The following ADGRE2 variants were observed in gnomAD, a reference collection of about 807,000 sequenced individuals.
The protein encoded by ADGRE2 is adhesion G protein-coupled receptor E2, also known as CD97 antigen.
A neutral mutation model predicts 100.8 loss-of-function variants in ADGRE2; 83 were observed. The observed-to-expected ratio is 0.82, with a 90% CI of 0.69 to 0.99. The LOEUF is 0.99. ADGRE2 is among the 50% of genes least tolerant of loss of function. The probability of loss-of-function intolerance (pLI) is 0.00; values close to 1 mark genes in which losing one functional copy is unlikely to be tolerated. For synonymous variants in ADGRE2, 355 were observed against 413.0 expected (o/e 0.86, Z 1.70); for missense variants, 814 against 1,035.7 (o/e 0.79, Z 2.94).
At chr19:14,767,242 C>A in intron 5 of ADGRE2, 133 bp from the exon 6 acceptor site, 8 of 1,182,698 alleles carry the variant, frequency 6.8e-6, no homozygotes, top group Non-Finnish European at 7.9e-6. Context: ...TTCTTTCTTT[C>A]TTTTTTTTTT....
At chr19:14,767,145 G>T in intron 5 of ADGRE2, 36 bp from the exon 6 acceptor site, 1 of 1,600,942 alleles carries the variant, frequency 6.2e-7, no homozygotes. Flanking sequence ...AATGCCCGTA[G>T]CTGTGAGCAG....
At position 14,733,372 on chromosome 19, in the gene ADGRE2, G is replaced by T. The variant is rs367641418; in HGVS notation, c.*2864C>A. 6.6e-6 allele frequency: 1 copy of T among 152,110 alleles called. No individual in the cohort carries two copies. Among genetic ancestry groups the T allele is most frequent in the African/African-American group, 2.4e-5 (1 of 41,422 alleles). 9.4% of individuals were successfully genotyped at this position (152,110 alleles called of 1,614,324 possible). On this transcript the variant is annotated 3_prime_UTR_variant, in exon 21 of 21. Coordinates refer to ENST00000315576, the MANE Select transcript of ADGRE2 (RefSeq NM_013447.4). ...CAGTAAAATGCAGATAAAACAGCTC[G>T]GGCACAGAGGAAGGTGGAGGAAAAG...
intron 12 of ADGRE2, 137 bp downstream of exon 12, chr19:14,756,101 G>A (rs1379661814): frequency 2.7e-5 from 21 of 790,788 alleles, no homozygotes; most frequent in Non-Finnish European, 4.1e-5. Context: ...TTCCTCCTCA[G>A]CTGGACTCTC....
chr19:14,766,972 C>A lies in ADGRE2; in HGVS notation c.487+6G>T. On this transcript the variant is annotated splice_donor_region_variant and intron_variant, in intron 6 of 20. Coordinates refer to ENST00000315576, the MANE Select transcript of ADGRE2 (RefSeq NM_013447.4). ...CAGCCTCACAGCGTCTTCCTGGGGC[C>A]TCTACCTGTGCAGAGCTTCGGGTCC... The A allele has an allele frequency of 1.4e-6, 2 of 1,477,970 alleles. 1 individual carries two copies. The highest frequency in any genetic ancestry group is 1.8e-6 in the Non-Finnish European group (2 of 1,092,076). The allele number at this position is 1,477,970 out of a possible 1,614,324, so 91.6% of individuals were successfully genotyped here. A position where few individuals can be genotyped will look rare whatever the true frequency, so the allele number is the denominator to read the frequency against.
intron 20 of ADGRE2, among the ~76,000 whole-genome samples, chr19:14,736,522 A>G (rs1184055291): frequency 6.6e-6 from 1 of 151,734 alleles, no homozygotes; most frequent in African/African-American, 2.4e-5. Flanking sequence ...CAGCCTCCCA[A>G]AGTGCTGGGA....
chr19:14,755,092 GA>G lies in ADGRE2; in HGVS notation c.1451del (p.Phe484SerfsTer20). On this transcript the variant is annotated frameshift_variant, in exon 14 of 21. Transcript: ENST00000315576. LOFTEE classifies it high-confidence loss of function. ...CACATCCATTCTGGCCATGCTCCCA[GA>G]AGACACAGAGCACCTTCTGTCTCGG... is the stretch of plus-strand genomic sequence containing the variant. ...VIPRQKVLCV[F>X]WEHGQNGCGH... 6.2e-7 allele frequency: 1 copy of G among 1,614,054 alleles called. No individual in the cohort carries two copies. The highest frequency in any genetic ancestry group is 1.1e-5 in the South Asian group (1 of 91,078).
chr19:14,760,870 A>G (rs557041015), intron 11 of ADGRE2, among the ~76,000 whole-genome samples: 2 of 152,278 alleles, frequency 1.3e-5, no homozygotes, highest in South Asian at 4.1e-4. Flanking sequence ...CTGATACCTG[A>G]AGAGTTCATC....
chr19:14,756,329 C>T lies in ADGRE2; in HGVS notation c.1101G>A (p.Val367=). The stretch of plus-strand genomic sequence containing the variant: ...TGACACTCCTGTCTACTTGCTTCTG[C>T]ACCTCCAGGGACAATTCTATGAGTT... ...YPAGTELSLE[V]QKQVDRSVTL... The change falls in exon 12 of 21, where the codon GTG becomes GTA. Residue 367 remains valine (V), a synonymous_variant. Transcript: ENST00000315576. 1 of 1,613,676 alleles carries T rather than the reference C, an allele frequency of 6.2e-7. No individual in the cohort carries two copies. Among genetic ancestry groups the T allele is most frequent in the Admixed American group, 1.7e-5 (1 of 60,000 alleles).
intron 16 of ADGRE2, among the ~76,000 whole-genome samples, chr19:14,749,240 A>G (rs1260092864): frequency 6.8e-6 from 1 of 147,294 alleles, no homozygotes; most frequent in Non-Finnish European, 1.5e-5. Flanking sequence ...TTCTATTAAT[A>G]TGTGTATTAA....
chr19:14,773,950 C>G lies in ADGRE2; in HGVS notation c.187G>C (p.Glu63Gln). 6.2e-7 allele frequency: 1 copy of G among 1,614,170 alleles called. No homozygotes were observed. Among genetic ancestry groups the G allele is most frequent in the Non-Finnish European group, 8.5e-7 (1 of 1,180,036 alleles). ...SFSEIITTPMETCDDINECAT... is the reference protein window; with the variant it reads ...SFSEIITTPMQTCDDINECAT... ...CAAGCCTCTGTACCGTCACAAGTCT[C>G]CATGGGGGTGGTGATGATCTCAGAA... Residue 63 changes from glutamate (E) to glutamine (Q), a missense_variant, in exon 4 of 21, where the codon GAG becomes CAG. By Grantham distance (29) the Glu-to-Gln change is conservative. This residue lies in a region of ADGRE2 where 143 missense variants were observed against 160.3 expected (regional missense o/e 0.89). Transcript: ENST00000315576.
At chr19:14,758,500 C>A (rs188135385) in intron 11 of ADGRE2, among the ~76,000 whole-genome samples, 71 of 152,244 alleles carry the variant, frequency 4.7e-4, no homozygotes, top group Admixed American at 1.6e-3. Flanking sequence ...GTGTAAATAC[C>A]CAAGTTTCAC....
chr19:14,772,517 G>C lies in ADGRE2; in HGVS notation c.200-20C>G. The C allele has an allele frequency of 6.2e-7, 1 of 1,612,884 alleles. No homozygotes were observed. The highest frequency in any genetic ancestry group is 8.5e-7 in the Non-Finnish European group (1 of 1,179,270). ...TGATGTCTGGAACACAACAGGACAG[G>C]AGGTCATCTCCCAAAGATGTGAGTT... is the stretch of plus-strand genomic sequence containing the variant. On this transcript the variant is annotated intron_variant, in intron 4 of 20. Transcript: ENST00000315576.
In ADGRE2 at chr19:14,746,980, A is replaced by G; in HGVS notation, c.2025-18T>C. On this transcript the variant is annotated intron_variant, in intron 16 of 20. Coordinates refer to ENST00000315576, the MANE Select transcript of ADGRE2 (RefSeq NM_013447.4). ...GCCAGCAGCTGAAAAAAGAGAGATT[A>G]AAAAAAATGCATCAGTTTTTGGAGA... The G allele has an allele frequency of 6.6e-7, 1 of 1,514,596 alleles. No homozygotes were observed. The highest frequency in any genetic ancestry group is 8.9e-7 in the Non-Finnish European group (1 of 1,123,930). The allele number at this position is 1,514,596 out of a possible 1,614,324, so 93.8% of individuals were successfully genotyped here.
Position 14,755,813 on chromosome 19 carries a change from C to G in ADGRE2, c.1257G>C (p.Leu419=). The part of the protein sequence containing the change: ...GMGKLLAEAP[L]VLEPEKQMLL... ...GCATCTGCTTCTCAGGTTCCAGGAC[C>G]AGAGGGGCCTCAGCCAGCAACTTGC... Residue 419 remains leucine (L), a synonymous_variant, in exon 13 of 21, where the codon CTG becomes CTC. Coordinates refer to ENST00000315576, the MANE Select transcript of ADGRE2 (RefSeq NM_013447.4). The G allele has an allele frequency of 3.7e-6, 6 of 1,614,194 alleles. No homozygotes were observed. The highest frequency in any genetic ancestry group is 4.2e-6 in the Non-Finnish European group (5 of 1,180,048).
chr19:14,764,703 G>T, intron 10 of ADGRE2, 93 bp from the exon 11 acceptor site: 2 of 1,314,774 alleles, frequency 1.5e-6, no homozygotes, highest in East Asian at 2.4e-5. Flanking sequence ...AGATCCTAGA[G>T]ACTGTCTATC....
At position 14,774,452 on chromosome 19, in the gene ADGRE2, G is replaced by A. The variant is rs1000082572; in HGVS notation, c.32-146C>T. ...TTCAAACAGAGTGAGCAGATGTCACGTCCCACTCGGATGCTCAAAGCCAGA... is the reference window on the plus strand; with the variant it reads ...TTCAAACAGAGTGAGCAGATGTCACATCCCACTCGGATGCTCAAAGCCAGA... On this transcript the variant is annotated intron_variant, in intron 2 of 20. Transcript: ENST00000315576. The A allele has an allele frequency of 2.2e-5, 32 of 1,432,052 alleles. No individual in the cohort carries two copies. In the Middle Eastern group the frequency reaches 7.2e-4, roughly 32 times the overall value. 88.7% of individuals were successfully genotyped at this position (1,432,052 alleles called of 1,614,324 possible).
chr19:14,751,514 G>GGGAACAT lies in ADGRE2; in HGVS notation c.1939_1945dup (p.Pro649HisfsTer73). ...CACAGCTGGGACTCCGTAGCCCACA[G>GGGAACAT]GGAACATGAGCTTCTTCATGAATCT... is the stretch of plus-strand genomic sequence containing the variant. On this transcript the variant is annotated frameshift_variant, in exon 16 of 21. Coordinates refer to ENST00000315576, the MANE Select transcript of ADGRE2 (RefSeq NM_013447.4). LOFTEE classifies it high-confidence loss of function. 1 of 1,614,158 alleles carries GGGAACAT rather than the reference G, an allele frequency of 6.2e-7. No homozygotes were observed. Among genetic ancestry groups the GGGAACAT allele is most frequent in the Non-Finnish European group, 8.5e-7 (1 of 1,180,016 alleles).
intron 18 of ADGRE2, 53 bp downstream of exon 18, chr19:14,746,179 G>T: frequency 9.0e-7 from 1 of 1,111,592 alleles, no homozygotes; most frequent in Non-Finnish European, 1.3e-6. Flanking sequence ...ACATGGCTTG[G>T]CTCTTGGGAA....
chr19:14,727,445 G>T (rs995089501), downstream of ADGRE2, among the ~76,000 whole-genome samples: 1 of 152,146 alleles, frequency 6.6e-6, no homozygotes, highest in Non-Finnish European at 1.5e-5. Flanking sequence ...AAAGCAAAGC[G>T]GGAGCAGGCA....
Sources: allele counts gnomAD v4.1 joint callset (sites outside exome capture counted in the v4.1 genomes callset), GRCh38; gene constraint gnomAD v4.1.1; regional missense constraint gnomAD v4.1.1; transcripts MANE v1.5; gene names NCBI Gene and HGNC (gene_info 2026-07-23, HGNC 2026-07-21).